Variants in EEPD1 observed in about 807,000 individuals in gnomAD.
EEPD1 encodes endonuclease/exonuclease/phosphatase family domain-containing protein 1.
A neutral mutation model predicts 46.3 loss-of-function variants in EEPD1; 17 were observed. The ratio of observed to expected loss-of-function variants is 0.37; its 90% CI spans 0.25 to 0.55. EEPD1 has a LOEUF of 0.55. EEPD1 is among the 20% of genes least tolerant of loss of function. The pLI is 0.83. For synonymous variants in EEPD1, 313 were observed against 315.6 expected (o/e 0.99, Z 0.09); for missense variants, 673 against 745.6 (o/e 0.90, Z 1.13).
intron 6 of EEPD1, among the ~76,000 whole-genome samples, chr7:36,293,652 C>A (rs1787481741): frequency 6.6e-6 from 1 of 152,156 alleles, no homozygotes; most frequent in Non-Finnish European, 1.5e-5. Context: ...AACACCCCCA[C>A]CCCATACATT....
At chr7:36,262,262 C>A (rs1326790953) in intron 3 of EEPD1, among the ~76,000 whole-genome samples, 1 of 151,986 alleles carries the variant, frequency 6.6e-6, no homozygotes, top group Non-Finnish European at 1.5e-5. Flanking sequence ...GATTGCTTGA[C>A]CCCAGGAGTT....
intron 4 of EEPD1, among the ~76,000 whole-genome samples, chr7:36,283,994 G>A (rs772135325): frequency 3.3e-5 from 5 of 152,186 alleles, no homozygotes; most frequent in African/African-American, 7.2e-5. Flanking sequence ...CAGTGGCGGC[G>A]GCAGCAGCGC....
chr7:36,246,448 C>G (rs1282697468), intron 3 of EEPD1, among the ~76,000 whole-genome samples: 1 of 152,148 alleles, frequency 6.6e-6, no homozygotes, highest in Non-Finnish European at 1.5e-5. Flanking sequence ...AAATAAAAGC[C>G]GTTATGTATA....
chr7:36,301,238 A>G lies in EEPD1; in HGVS notation c.*2032A>G, dbSNP rs2115915657. On this transcript the variant is annotated 3_prime_UTR_variant, in exon 8 of 8. Coordinates refer to ENST00000242108, the MANE Select transcript of EEPD1 (RefSeq NM_030636.3). ...ACGCCCAGGGCTCAGTGGCCCAGGA[A>G]GTGTGCTGGGCAGCCTGTTCTTACT... The G allele has an allele frequency of 6.6e-6, 1 of 152,346 alleles. No homozygotes were observed. The highest frequency in any genetic ancestry group is 1.5e-5 in the Non-Finnish European group (1 of 68,030). The allele number at this position is 152,346 out of a possible 1,614,324, so 9.4% of individuals were successfully genotyped here.
At chr7:36,178,274 G>T (rs1025249780) in intron 2 of EEPD1, among the ~76,000 whole-genome samples, 11 of 151,856 alleles carry the variant, frequency 7.2e-5, no homozygotes, top group African/African-American at 2.7e-4. Context: ...CCTGGCCAAG[G>T]CCAGGTCTCT....
At chr7:36,260,993 T>TC (rs1786913255) in intron 3 of EEPD1, among the ~76,000 whole-genome samples, 1 of 152,226 alleles carries the variant, frequency 6.6e-6, no homozygotes, top group African/African-American at 2.4e-5. Flanking sequence ...TATAAACAAA[T>TC]ACTGTACCAT....
Position 36,154,429 on chromosome 7 carries a change from G to C in EEPD1, c.105G>C (p.Val35=), listed in dbSNP as rs1048074739. Residue 35 remains valine (V), a synonymous_variant, in exon 2 of 8, where the codon GTG becomes GTC. Coordinates refer to ENST00000242108, the MANE Select transcript of EEPD1 (RefSeq NM_030636.3). This position sits in a 1 kb window ranked among gnomAD's most constrained non-coding sequence, Gnocchi z 4.2. ...SAACNFSNIL[V]NQERLNINTA... is the part of the protein sequence containing the mutation. ...CCTGTAACTTCAGCAACATTCTAGT[G>C]AATCAGGAGCGGCTCAACATCAACA... is the stretch of plus-strand genomic sequence containing the variant. The C allele has an allele frequency of 2.5e-6, 4 of 1,614,208 alleles. No individual in the cohort carries two copies. The highest frequency in any genetic ancestry group is 3.4e-6 in the Non-Finnish European group (4 of 1,180,042).
At chr7:36,244,245 A>C (rs1026836325) in intron 3 of EEPD1, among the ~76,000 whole-genome samples, 1 of 152,126 alleles carries the variant, frequency 6.6e-6, no homozygotes, top group Non-Finnish European at 1.5e-5. Flanking sequence ...GCTTCTAGCC[A>C]GACAGTCCCA....
intron 4 of EEPD1, among the ~76,000 whole-genome samples, chr7:36,283,596 C>T (rs1787294549): frequency 6.6e-6 from 1 of 152,182 alleles, no homozygotes; most frequent in Non-Finnish European, 1.5e-5. Flanking sequence ...CTAAGTGACT[C>T]AGGTGGGACT....
chr7:36,197,243 G>T (rs1785617906), intron 2 of EEPD1, among the ~76,000 whole-genome samples: 1 of 148,438 alleles, frequency 6.7e-6, no homozygotes, highest in Admixed American at 6.6e-5. Context: ...AGGGAGGTGG[G>T]GGGGTCAGGC....
At position 36,299,314 on chromosome 7, in the gene EEPD1, A is replaced by C. The variant is rs1787580417; in HGVS notation, c.*108A>C. 1 of 1,313,496 alleles carries C rather than the reference A, an allele frequency of 7.6e-7. No homozygotes were observed. Among genetic ancestry groups the C allele is most frequent in the African/African-American group, 1.5e-5 (1 of 68,348 alleles). The allele number at this position is 1,313,496 out of a possible 1,614,324, so 81.4% of individuals were successfully genotyped here. ...GAGCTGCCTTTTAATTTTTATTCTC[A>C]GAGCATCAGCACTTGAGGCCTTGCC... On this transcript the variant is annotated 3_prime_UTR_variant, in exon 8 of 8. Transcript: ENST00000242108.
At chr7:36,221,683 T>A (rs890436230) in intron 2 of EEPD1, among the ~76,000 whole-genome samples, 14 of 152,234 alleles carry the variant, frequency 9.2e-5, no homozygotes, top group Admixed American at 8.5e-4. Context: ...CTTTATATTC[T>A]GATCAGTTCT....
chr7:36,242,833 G>T (rs972820372), intron 3 of EEPD1, among the ~76,000 whole-genome samples: 2 of 151,636 alleles, frequency 1.3e-5, no homozygotes, highest in Admixed American at 1.3e-4. Context: ...GGAGGCTGAG[G>T]CAGGAGAATC....
intron 2 of EEPD1, among the ~76,000 whole-genome samples, chr7:36,171,315 A>AT (rs5883535): frequency 5.3e-5 from 8 of 151,994 alleles, no homozygotes; most frequent in Admixed American, 2.0e-4. Context: ...GATACACAAA[A>AT]GAGTGGACCC....
At chr7:36,194,893 C>G (rs960227033) in intron 2 of EEPD1, among the ~76,000 whole-genome samples, 5 of 152,196 alleles carry the variant, frequency 3.3e-5, no homozygotes, top group Admixed American at 2.0e-4. Flanking sequence ...TGTGTCCTCA[C>G]CTAATCTACC....
At chr7:36,221,847 G>A (rs1464743188) in intron 2 of EEPD1, among the ~76,000 whole-genome samples, 1 of 152,116 alleles carries the variant, frequency 6.6e-6, no homozygotes, top group African/African-American at 2.4e-5. Context: ...TCATTATCCT[G>A]ATTTTACAGA....
intron 3 of EEPD1, among the ~76,000 whole-genome samples, chr7:36,270,769 G>A (rs1397258609): frequency 6.6e-6 from 1 of 152,090 alleles, no homozygotes; most frequent in African/African-American, 2.4e-5. Flanking sequence ...AAACATACAT[G>A]TGCATGTGTC....
At position 36,162,217 on chromosome 7, in the gene EEPD1, C is replaced by T. The variant is rs377496941; in HGVS notation, c.878+7015C>T. 4.6e-5 allele frequency among the ~76,000 whole-genome samples: 7 copies of T among 152,328 alleles called. No individual in the cohort carries two copies. The East Asian group carries it at 1.2e-3, about 25-fold the overall frequency. ...TGAGTGTTGTACACATGCCAAAGTT[C>T]TTATGTAATGTCTTGATTGACAGCA... On this transcript the variant is annotated intron_variant, in intron 2 of 7. Transcript: ENST00000242108.
intron 3 of EEPD1, among the ~76,000 whole-genome samples, chr7:36,242,198 T>A (rs1786565850): frequency 6.6e-6 from 1 of 152,192 alleles, no homozygotes; most frequent in African/African-American, 2.4e-5. Context: ...GATGACTAAT[T>A]AGATAGTTCA....
Sources: gnomAD v4.1 joint callset for allele counts (sites outside exome capture counted in the v4.1 genomes callset) on GRCh38, gnomAD v4.1.1 for gene constraint, Gnocchi (gnomAD v3.1) non-coding constraint, MANE v1.5 for transcripts, NCBI Gene and HGNC (gene_info 2026-07-23, HGNC 2026-07-21) for gene names.